The following UNC5C variants were observed in gnomAD, a reference collection of about 807,000 sequenced individuals.
UNC5C encodes unc-5 netrin receptor C, also known as netrin receptor UNC5C.
UNC5C carries 47 observed loss-of-function variants against 99.8 expected under a neutral mutation model. That is an observed-to-expected ratio of 0.47 (90% confidence interval 0.37 to 0.60). UNC5C has a LOEUF of 0.60. Among genes scored for constraint, UNC5C ranks in the 20% least tolerant of loss-of-function variants. UNC5C has a pLI of 0.00. For missense variants in UNC5C, 1,062 were observed against 1,165.9 expected (o/e 0.91, Z 1.30); for synonymous variants, 487 against 452.2 (o/e 1.08, Z -0.98).
chr4:95,535,244 C>CAA (rs112217135), intron 1 of UNC5C, among the ~76,000 whole-genome samples: 61 of 151,474 alleles, frequency 4.0e-4, no homozygotes, highest in African/African-American at 1.2e-3. Context: ...TAACTGGGTA[C>CAA]AAAAAATAAT....
At chr4:95,246,398 A>AT (rs1179673181) in intron 5 of UNC5C, among the ~76,000 whole-genome samples, 1 of 152,008 alleles carries the variant, frequency 6.6e-6, no homozygotes, top group African/African-American at 2.4e-5. Flanking sequence ...CTCCACAAAA[A>AT]TTAAAAAAAA....
intron 12 of UNC5C, among the ~76,000 whole-genome samples, chr4:95,201,146 G>A (rs1737638458): frequency 1.3e-5 from 2 of 152,132 alleles, no homozygotes; most frequent in South Asian, 4.1e-4. Context: ...AAATAAGTTT[G>A]TTGTTTATGC....
At chr4:95,453,238 T>C (rs1747325840) in intron 1 of UNC5C, among the ~76,000 whole-genome samples, 1 of 152,032 alleles carries the variant, frequency 6.6e-6, no homozygotes, top group African/African-American at 2.4e-5. Flanking sequence ...GAAAGCCTAG[T>C]GAAAGAAAAC....
chr4:95,404,282 G>A (rs1464640276), intron 1 of UNC5C, among the ~76,000 whole-genome samples: 1 of 152,074 alleles, frequency 6.6e-6, no homozygotes, highest in East Asian at 1.9e-4. Context: ...AACAAAAGTA[G>A]CCCTGAGTTA....
intron 2 of UNC5C, among the ~76,000 whole-genome samples, chr4:95,309,484 G>A (rs1742197359): frequency 6.6e-6 from 1 of 151,876 alleles, no homozygotes; most frequent in African/African-American, 2.4e-5. Context: ...AATCAACAAA[G>A]TGAAGAGACA....
chr4:95,367,824 TG>T (rs1194965855), intron 1 of UNC5C, among the ~76,000 whole-genome samples: 1 of 152,194 alleles, frequency 6.6e-6, no homozygotes, highest in Admixed American at 6.5e-5. Flanking sequence ...CTTAGCCCAT[TG>T]TAGGTGCTTA....
chr4:95,480,796 C>A (rs1005873260), intron 1 of UNC5C, among the ~76,000 whole-genome samples: 4 of 151,646 alleles, frequency 2.6e-5, no homozygotes, highest in African/African-American at 9.7e-5. Context: ...AGGCCTTTGA[C>A]AAAATTCAAC....
chr4:95,418,310 A>G (rs763063531), intron 1 of UNC5C, among the ~76,000 whole-genome samples: 1 of 152,224 alleles, frequency 6.6e-6, no homozygotes, highest in African/African-American at 2.4e-5. Flanking sequence ...TCAATGTTCA[A>G]TTCTAAAATT....
Position 95,228,484 on chromosome 4 carries a change from A to G in UNC5C, c.1109-8308T>C, listed in dbSNP as rs1386316167. 2.6e-5 allele frequency among the ~76,000 whole-genome samples: 4 copies of G among 152,212 alleles called. No individual in the cohort carries two copies. The East Asian group carries it at 5.8e-4, about 22-fold the overall frequency. Reference sequence around the variant, plus strand: ...TGTTCTCACAAACTTGCAAACCCCCAGGATGTTGGAGTGAAAATAGATCAT... The same window carrying G: ...TGTTCTCACAAACTTGCAAACCCCCGGGATGTTGGAGTGAAAATAGATCAT... On this transcript the variant is annotated intron_variant, in intron 7 of 15. Transcript: ENST00000453304.
chr4:95,481,415 G>A (rs895818472), intron 1 of UNC5C, among the ~76,000 whole-genome samples: 2 of 151,784 alleles, frequency 1.3e-5, no homozygotes, highest in African/African-American at 4.8e-5. Flanking sequence ...AATCAATATC[G>A]TGAAAATGGC....
At chr4:95,386,801 T>C (rs1745224099) in intron 1 of UNC5C, among the ~76,000 whole-genome samples, 1 of 152,202 alleles carries the variant, frequency 6.6e-6, no homozygotes, top group South Asian at 2.1e-4. Context: ...AGCCCGAGTC[T>C]TGTGCTCCTC....
chr4:95,399,199 A>C (rs1208177404), intron 1 of UNC5C, among the ~76,000 whole-genome samples: 4 of 152,206 alleles, frequency 2.6e-5, no homozygotes, highest in Non-Finnish European at 5.9e-5. Context: ...AAAGGACAAA[A>C]AAATGACATA....
At chr4:95,350,232 A>C (rs1005381266) in intron 1 of UNC5C, among the ~76,000 whole-genome samples, 2 of 152,132 alleles carry the variant, frequency 1.3e-5, no homozygotes, top group Admixed American at 6.6e-5. Flanking sequence ...TCACGCCTGT[A>C]ATTCCAGCAC....
chr4:95,398,700 C>T (rs1475104258), intron 1 of UNC5C, among the ~76,000 whole-genome samples: 2 of 152,178 alleles, frequency 1.3e-5, no homozygotes, highest in East Asian at 3.9e-4. Flanking sequence ...TTCTCAACCA[C>T]AAGTAAATAA....
chr4:95,386,674 C>T (rs12513120), intron 1 of UNC5C, among the ~76,000 whole-genome samples: 9,327 of 152,172 alleles, frequency 0.061, 720 homozygotes, highest in Admixed American at 0.16. Flanking sequence ...TAACCAGTTC[C>T]GACTTGCTAG....
Position 95,168,924 on chromosome 4 carries a change from T to C in UNC5C, c.*310A>G, listed in dbSNP as rs1259322701. 6 of 253,050 alleles carry C rather than the reference T, an allele frequency of 2.4e-5. No individual in the cohort carries two copies. The highest frequency in any genetic ancestry group is 4.6e-5 in the Non-Finnish European group (6 of 131,550). 15.7% of individuals were successfully genotyped at this position (253,050 alleles called of 1,614,324 possible). A position where few individuals can be genotyped will look rare whatever the true frequency, so the allele number is the denominator to read the frequency against. ...GTTTATCCATATATCTGGATAGCAA[T>C]AAAAAGCGTTTCCTAGGAAACTGTA... On this transcript the variant is annotated 3_prime_UTR_variant, in exon 16 of 16. Transcript: ENST00000453304.
Position 95,544,831 on chromosome 4 carries a change from T to G in UNC5C, c.124+3903A>C, listed in dbSNP as rs1284096251. Among the ~76,000 whole-genome samples the G allele has an allele frequency of 2.0e-5, 3 of 152,314 alleles. No individual in the cohort carries two copies. The East Asian group carries it at 5.8e-4, about 29-fold the overall frequency. On this transcript the variant is annotated intron_variant, in intron 1 of 15. Coordinates refer to ENST00000453304, the MANE Select transcript of UNC5C (RefSeq NM_003728.4). ...CTGGCTCAATCTCAACCCCCACAATTTTCCCCATTATCTTCCTAAAGTGGT... is the reference window on the plus strand; with the variant it reads ...CTGGCTCAATCTCAACCCCCACAATGTTCCCCATTATCTTCCTAAAGTGGT...
intron 2 of UNC5C, among the ~76,000 whole-genome samples, chr4:95,305,006 C>T (rs1055540716): frequency 3.9e-5 from 6 of 152,208 alleles, no homozygotes; most frequent in African/African-American, 1.4e-4. Flanking sequence ...GACCAACCCT[C>T]CTGCTACAGG....
intron 10 of UNC5C, among the ~76,000 whole-genome samples, chr4:95,207,194 A>ACTT (rs907396290): frequency 6.6e-6 from 1 of 152,136 alleles, no homozygotes; most frequent in African/African-American, 2.4e-5. Flanking sequence ...GGTTTTAAAT[A>ACTT]CTTTTGTGGT....
Sources: gnomAD v4.1 joint callset for allele counts (sites outside exome capture counted in the v4.1 genomes callset) on GRCh38, gnomAD v4.1.1 for gene constraint, MANE v1.5 for transcripts, NCBI Gene and HGNC (gene_info 2026-07-23, HGNC 2026-07-21) for gene names.